The following WDR17 variants were observed in gnomAD, a reference collection of about 807,000 sequenced individuals.
WDR17 encodes WD repeat-containing protein 17.
Under a neutral mutation model 161.7 loss-of-function variants are expected in WDR17, and 143 were observed. The observed-to-expected ratio is 0.88, with a 90% CI of 0.77 to 1.02. The LOEUF is 1.02. WDR17 is among the 50% of genes least tolerant of loss of function. The pLI is 0.00. For synonymous variants in WDR17, 517 were observed against 515.6 expected (o/e 1.00, Z -0.04); for missense variants, 1,469 against 1,520.9 (o/e 0.97, Z 0.57).
intron 28 of WDR17, 29 bp downstream of exon 28, chr4:176,177,683 G>A (rs1751641590): frequency 6.5e-7 from 1 of 1,529,044 alleles, no homozygotes; most frequent in Non-Finnish European, 8.7e-7. Flanking sequence ...CATAACATGT[G>A]TATTTCACCA....
chr4:176,131,616 C>A lies in WDR17; in HGVS notation c.976C>A (p.Pro326Thr). The A allele has an allele frequency of 6.2e-7, 1 of 1,613,496 alleles. No individual in the cohort carries two copies. Among genetic ancestry groups the A allele is most frequent in the South Asian group, 1.1e-5 (1 of 91,030 alleles). ...CTCAACAAGCGAAGCAGTTCCACCC[C>A]CAACTTTAACACAGAATCAAGCATT... ...TSSTSEAVPPPTLTQNQAFSL... is the reference protein window; with the variant it reads ...TSSTSEAVPPTTLTQNQAFSL... The change falls in exon 7 of 29, where the codon CCA (proline) becomes ACA (threonine). Residue 326 changes from proline (P) to threonine (T), a missense_variant. Pro to Thr is a conservative substitution (Grantham distance 38). Transcript: ENST00000508596.
intron 17 of WDR17, 64 bp downstream of exon 17, chr4:176,152,031 T>A (rs1747213769): frequency 6.7e-7 from 1 of 1,496,238 alleles, no homozygotes; most frequent in Admixed American, 2.3e-5. Flanking sequence ...AAGAATATAC[T>A]CAATTTTAAG....
intron 11 of WDR17, among the ~76,000 whole-genome samples, chr4:176,143,992 AT>A (rs35061194): frequency 0.19 from 29,295 of 152,016 alleles, 3,027 homozygotes; most frequent in South Asian, 0.27. Context: ...TCTTTTTCCT[AT>A]TTTATTAATC....
intron 2 of WDR17, among the ~76,000 whole-genome samples, chr4:176,113,226 C>T (rs1289865300): frequency 2.0e-5 from 3 of 151,960 alleles, no homozygotes; most frequent in South Asian, 2.1e-4. Context: ...CTCTCCTAAC[C>T]CTAAGTCCTT....
chr4:176,066,554 G>A (rs969188103), intron 1 of WDR17, among the ~76,000 whole-genome samples: 1 of 152,074 alleles, frequency 6.6e-6, no homozygotes, highest in African/African-American at 2.4e-5. Flanking sequence ...TATAAGGCAG[G>A]TATACTATTT....
chr4:176,116,482 TC>T (rs71597416), intron 3 of WDR17, among the ~76,000 whole-genome samples: 32,880 of 151,744 alleles, frequency 0.22, 3,723 homozygotes, highest in South Asian at 0.27. Context: ...TTATACTCTT[TC>T]TACTTAGAAT....
chr4:176,086,266 A>G (rs1386643036), intron 1 of WDR17, among the ~76,000 whole-genome samples: 1 of 151,954 alleles, frequency 6.6e-6, no homozygotes, highest in Non-Finnish European at 1.5e-5. Context: ...TGTGAATTCT[A>G]TCATTATTGG....
chr4:176,115,509 A>T (rs986224642), intron 2 of WDR17, among the ~76,000 whole-genome samples: 2 of 151,988 alleles, frequency 1.3e-5, no homozygotes, highest in Non-Finnish European at 2.9e-5. Flanking sequence ...TGGAAAATAT[A>T]ATAAAGCTCT....
intron 1 of WDR17, among the ~76,000 whole-genome samples, chr4:176,076,408 G>GTT (rs564678477): frequency 0.33 from 36,456 of 109,006 alleles, 7,184 homozygotes; most frequent in East Asian, 0.45. Context: ...GTCGTTGTTG[G>GTT]TTTTTTTTTT....
intron 23 of WDR17, 57 bp downstream of exon 23, chr4:176,168,840 T>C (rs1750274838): frequency 2.6e-6 from 4 of 1,562,872 alleles, no homozygotes; most frequent in Non-Finnish European, 3.5e-6. Context: ...ATTTAATTAA[T>C]TGTAGGTTCA....
At chr4:176,113,449 T>C (rs1740101784) in intron 2 of WDR17, among the ~76,000 whole-genome samples, 1 of 152,080 alleles carries the variant, frequency 6.6e-6, no homozygotes, top group South Asian at 2.1e-4. Flanking sequence ...ATGAAAGTTG[T>C]CATGTCATTA....
At chr4:176,166,690 A>G (rs1466231071) in intron 22 of WDR17, among the ~76,000 whole-genome samples, 2 of 152,174 alleles carry the variant, frequency 1.3e-5, no homozygotes, top group Non-Finnish European at 2.9e-5. Context: ...GTAAAAACAA[A>G]TGATAATTTC....
chr4:176,106,598 G>A (rs1282233900), intron 1 of WDR17, among the ~76,000 whole-genome samples: 2 of 152,118 alleles, frequency 1.3e-5, no homozygotes, highest in African/African-American at 4.8e-5. Flanking sequence ...CAAAGGCACA[G>A]GCATCAAAAG....
chr4:176,134,321 C>T (rs1744042658), intron 7 of WDR17, among the ~76,000 whole-genome samples: 1 of 151,680 alleles, frequency 6.6e-6, no homozygotes, highest in Admixed American at 6.6e-5. Context: ...ATGTTAGTTT[C>T]GTTTGCTTAA....
intron 16 of WDR17, among the ~76,000 whole-genome samples, chr4:176,151,491 G>A (rs181736601): frequency 2.0e-5 from 3 of 152,222 alleles, no homozygotes; most frequent in Non-Finnish European, 2.9e-5. Context: ...ATATGCTTTT[G>A]AAGTATGTAT....
At position 176,119,855 on chromosome 4, in the gene WDR17, A is replaced by G. The variant is rs1270132932; in HGVS notation, c.308-12A>G. The stretch of plus-strand genomic sequence containing the variant: ...GTATCTTTATTATGTATCTGTATTT[A>G]ATGTATTCCAGGGATCCCTGCTTCT... On this transcript the variant is annotated splice_polypyrimidine_tract_variant and intron_variant, in intron 3 of 28. Transcript: ENST00000508596. 1 of 1,608,980 alleles carries G rather than the reference A, an allele frequency of 6.2e-7. No homozygotes were observed. Among genetic ancestry groups the G allele is most frequent in the Non-Finnish European group, 8.5e-7 (1 of 1,175,502 alleles).
chr4:176,160,784 A>T (rs1414294427), intron 19 of WDR17, 127 bp from the exon 20 acceptor site: 1 of 784,548 alleles, frequency 1.3e-6, no homozygotes, highest in Non-Finnish European at 1.9e-6. Flanking sequence ...AAATTCTAAG[A>T]TTATCTCCAA....
chr4:176,129,332 GTAGT>G (rs893412746), intron 6 of WDR17, among the ~76,000 whole-genome samples: 10 of 152,156 alleles, frequency 6.6e-5, no homozygotes, highest in African/African-American at 1.4e-4. Flanking sequence ...CACTAAGTTA[GTAGT>G]TAGTATTATG....
rs140987021 is a variant in WDR17, at chr4:176,135,150, G to A, written c.1141G>A (p.Asp381Asn). The change falls in exon 8 of 29, where the codon GAT becomes AAT. Residue 381 changes from aspartate to asparagine, a missense_variant. Transcript: ENST00000508596. ...CTTTGACTGCAAATTCAAACCTGAC[G>A]ATCCTAATCTTTTAGCAACAGCTTC... ...TIFDCKFKPD[D>N]PNLLATASFD... 2.7e-5 allele frequency: 44 copies of A among 1,612,190 alleles called. No individual in the cohort carries two copies. In the East Asian group the frequency reaches 7.4e-4, roughly 27 times the overall value.
Sources: allele counts gnomAD v4.1 joint callset (sites outside exome capture counted in the v4.1 genomes callset), GRCh38; gene constraint gnomAD v4.1.1; transcripts MANE v1.5; gene names NCBI Gene and HGNC (gene_info 2026-07-23, HGNC 2026-07-21).